Variants in PCDHA10 observed in about 807,000 individuals in gnomAD.
PCDHA10 encodes the protein protocadherin alpha 10.
PCDHA10 carries 45 observed loss-of-function variants against 61.2 expected under a neutral mutation model. That is an observed-to-expected ratio of 0.74 (90% CI 0.58 to 0.94). The LOEUF is 0.94. Among genes scored for constraint, PCDHA10 ranks in the 40% least tolerant of loss-of-function variants. The pLI is 0.00. For synonymous variants in PCDHA10, 602 were observed against 548.8 expected (o/e 1.10, Z -1.35); for missense variants, 1,278 against 1,236.2 (o/e 1.03, Z -0.51).
At position 140,870,363 on chromosome 5, in the gene PCDHA10, T is replaced by C. The variant is rs782093088; in HGVS notation, c.2388+11927T>C. 1.9e-6 allele frequency: 3 copies of C among 1,614,206 alleles called. No homozygotes were observed. The South Asian group carries it at 3.3e-5, about 18-fold the overall frequency. On this transcript the variant is annotated intron_variant, in intron 1 of 3. Transcript: ENST00000307360. ...TGGACCGCGAGAACGTGTGGGCCTA[T>C]GAACTGGTGGTGACTGCGCGGGATG...
chr5:140,915,553 A>T (rs1317422262), intron 1 of PCDHA10, among the ~76,000 whole-genome samples: 1 of 152,156 alleles, frequency 6.6e-6, no homozygotes, highest in African/African-American at 2.4e-5. Context: ...AATAAGATCC[A>T]GAATGATTAT....
chr5:141,000,912 A>G (rs1434885581), intron 3 of PCDHA10, among the ~76,000 whole-genome samples: 1 of 152,194 alleles, frequency 6.6e-6, no homozygotes, highest in East Asian at 1.9e-4. Context: ...TGTCTCTAAA[A>G]AAAAAAATCC....
intron 1 of PCDHA10, among the ~76,000 whole-genome samples, chr5:140,975,842 T>C (rs1291239014): frequency 1.3e-5 from 2 of 152,210 alleles, no homozygotes; most frequent in Non-Finnish European, 2.9e-5. Context: ...TATTCTTCAG[T>C]AATACTACAT....
At chr5:140,936,959 A>C (rs2091230080) in intron 1 of PCDHA10, among the ~76,000 whole-genome samples, 1 of 152,174 alleles carries the variant, frequency 6.6e-6, no homozygotes, top group Non-Finnish European at 1.5e-5. Flanking sequence ...TCTTTATTGA[A>C]TCTATAAAAA....
At chr5:140,976,528 A>G (rs1238458657) in intron 1 of PCDHA10, among the ~76,000 whole-genome samples, 1 of 152,112 alleles carries the variant, frequency 6.6e-6, no homozygotes, top group East Asian at 1.9e-4. Flanking sequence ...ACCAGCCTAA[A>G]TGACAGAGTA....
At position 140,911,726 on chromosome 5, in the gene PCDHA10, G is replaced by GTTCGTGCCAAGGAC. The variant is rs372287116; in HGVS notation, c.2388+53292_2388+53305dup. On this transcript the variant is annotated intron_variant, in intron 1 of 3. Transcript: ENST00000307360. ...TTTATTTTGTGTAACTCTGTAAACAGTTCGTGCCAAGGACTATCAGTGTTC... is the reference window on the plus strand; with the variant it reads ...TTTATTTTGTGTAACTCTGTAAACAGTTCGTGCCAAGGACTTCGTGCCAAGGACTATCAGTGTTC... Among the ~76,000 whole-genome samples, 876 of 152,272 alleles carry GTTCGTGCCAAGGAC rather than the reference G, an allele frequency of 5.8e-3. 6 individuals are homozygous for GTTCGTGCCAAGGAC. The highest frequency in any genetic ancestry group is 0.018 in the African/African-American group (761 of 41,552).
intron 1 of PCDHA10, among the ~76,000 whole-genome samples, chr5:140,913,414 CA>C: frequency 6.6e-6 from 1 of 152,102 alleles, no homozygotes; most frequent in African/African-American, 2.4e-5. Context: ...TGAATTCCTG[CA>C]GTATCAGTTG....
chr5:140,920,570 G>A (rs2153557888), intron 1 of PCDHA10, among the ~76,000 whole-genome samples: 1 of 152,186 alleles, frequency 6.6e-6, no homozygotes, highest in Non-Finnish European at 1.5e-5. Flanking sequence ...CTTAGGCCAG[G>A]AGCAGTGGCT....
chr5:140,862,892 CTT>C (rs1554157185), intron 1 of PCDHA10: 2 of 562,274 alleles, frequency 3.6e-6, no homozygotes, highest in South Asian at 1.4e-5. Flanking sequence ...GGAACGACAA[CTT>C]TGTCTGCGCT....
rs782212784 is a variant in PCDHA10 at position 140,883,583 on chromosome 5, G to A, written c.2388+25147G>A. ...GGGCTCGCCTTCGCTGTGGGCCACGGCCAGCGTGTCGGTGGGGGTGGCCGA... is the reference window on the plus strand; with the variant it reads ...GGGCTCGCCTTCGCTGTGGGCCACGACCAGCGTGTCGGTGGGGGTGGCCGA... On this transcript the variant is annotated intron_variant, in intron 1 of 3. Coordinates refer to ENST00000307360, the MANE Select transcript of PCDHA10 (RefSeq NM_018901.4). The A allele has an allele frequency of 1.9e-5, 31 of 1,613,916 alleles. No individual in the cohort carries two copies. The African/African-American group carries it at 3.7e-4, about 19-fold the overall frequency.
intron 1 of PCDHA10, among the ~76,000 whole-genome samples, chr5:140,915,602 C>T (rs1298727977): frequency 6.6e-6 from 1 of 151,066 alleles, no homozygotes; most frequent in Non-Finnish European, 1.5e-5. Context: ...TTTTCCCTTA[C>T]TTTCTGTCAA....
At chr5:140,921,615 C>A (rs977929420) in intron 1 of PCDHA10, among the ~76,000 whole-genome samples, 13 of 152,090 alleles carry the variant, frequency 8.5e-5, no homozygotes, top group Non-Finnish European at 1.5e-4. Flanking sequence ...AGAAAAATAT[C>A]ATCAGATCAT....
chr5:140,955,452 G>C (rs921510611), intron 1 of PCDHA10, among the ~76,000 whole-genome samples: 3 of 152,024 alleles, frequency 2.0e-5, no homozygotes, highest in Non-Finnish European at 4.4e-5. Context: ...TTTTATAAGG[G>C]CTTTTTCCTT....
intron 3 of PCDHA10, among the ~76,000 whole-genome samples, chr5:141,004,899 C>A (rs898562164): frequency 4.6e-5 from 7 of 152,096 alleles, no homozygotes. Context: ...TCAGCTCTGC[C>A]AGGGTGTAAG....
chr5:140,987,936 T>C lies in PCDHA10; in HGVS notation c.2536+5373T>C, dbSNP rs80117115. Among the ~76,000 whole-genome samples the C allele has an allele frequency of 7.9e-3, 1,205 of 152,348 alleles. 20 individuals are homozygous for C. Among genetic ancestry groups the C allele is most frequent in the African/African-American group, 0.027 (1,136 of 41,570 alleles). On this transcript the variant is annotated intron_variant, in intron 3 of 3. Coordinates refer to ENST00000307360, the MANE Select transcript of PCDHA10 (RefSeq NM_018901.4). ...TATTCTTAATTGTCTCAAGGATTCT[T>C]ACCTGTCTGACAAAACCAACTCCCC...
intron 1 of PCDHA10, chr5:140,876,199 G>C: frequency 6.2e-7 from 1 of 1,613,940 alleles, no homozygotes; most frequent in South Asian, 1.1e-5. Flanking sequence ...TCCGGCGTTT[G>C]ATAAGCCCAG....
At chr5:140,883,756 G>A (rs1404911116) in intron 1 of PCDHA10, 7 of 1,612,950 alleles carry the variant, frequency 4.3e-6, no homozygotes, top group Non-Finnish European at 5.1e-6. Flanking sequence ...CGCTGGTGGA[G>A]CGGCGGGTGG....
chr5:140,858,050 C>G lies in PCDHA10; in HGVS notation c.2002C>G (p.Leu668Val). 6.3e-7 allele frequency: 1 copy of G among 1,597,552 alleles called. No homozygotes were observed. The highest frequency in any genetic ancestry group is 8.6e-7 in the Non-Finnish European group (1 of 1,167,484). ...GGCCACGGCCACTGTGCTTGTGTCG[C>G]TTGTGGAGGGCAGCCAGGCACCCAA... ...LTATATVLVS[L>V]VEGSQAPKAS... The change falls in exon 1 of 4, where the codon CTT (leucine) becomes GTT (valine). Residue 668 changes from leucine (L) to valine (V), a missense_variant. Transcript: ENST00000307360.
At chr5:140,868,451 C>T (rs917526467) in intron 1 of PCDHA10, 1 of 152,302 alleles carries the variant, frequency 6.6e-6, no homozygotes, top group African/African-American at 2.4e-5. Flanking sequence ...AACATAAACA[C>T]TAAAGAGCTG....
Sources: gnomAD v4.1 joint callset for allele counts (sites outside exome capture counted in the v4.1 genomes callset) on GRCh38, gnomAD v4.1.1 for gene constraint, MANE v1.5 for transcripts, NCBI Gene and HGNC (gene_info 2026-07-23, HGNC 2026-07-21) for gene names.